The following SORL1 variants were observed in gnomAD, a reference collection of about 807,000 sequenced individuals.
The protein encoded by SORL1 is sortilin-related receptor.
SORL1 carries 127 observed loss-of-function variants against 273.7 expected under a neutral mutation model. The ratio of observed to expected loss-of-function variants is 0.46; its 90% CI spans 0.40 to 0.54. SORL1 has a LOEUF of 0.54. SORL1 is among the 20% of genes least tolerant of loss of function. The pLI, the probability that SORL1 is intolerant of heterozygous loss-of-function variation, is 0.00. For missense variants in SORL1, 2,494 were observed against 2,846.1 expected, an observed-to-expected ratio of 0.88 and a Z score of 2.81; for synonymous variants, 1,031 against 1,067.4, an observed-to-expected ratio of 0.97 and a Z score of 0.66.
chr11:121,517,063 AT>A (rs1247874798), intron 8 of SORL1, among the ~76,000 whole-genome samples: 1 of 152,128 alleles, frequency 6.6e-6, no homozygotes, highest in Non-Finnish European at 1.5e-5. Context: ...AAAAAAAAAA[AT>A]TATTTATTGA....
chr11:121,528,785 C>T (rs1019461507), intron 11 of SORL1, among the ~76,000 whole-genome samples: 6 of 152,284 alleles, frequency 3.9e-5, no homozygotes, highest in South Asian at 2.1e-4. Context: ...GAGATCCAGC[C>T]TGTGGTCTAT....
rs1184634841 is a variant in SORL1 at position 121,615,013 on chromosome 11, C to T, written c.5562C>T (p.Asn1854=). The stretch of plus-strand genomic sequence containing the variant: ...CTAGCCTCAAGGCCAAAGCCATCAA[C>T]CAGACTGCAGTGGAATGTACCTGGA... The part of the protein sequence containing the change: ...PAPSLKAKAI[N]QTAVECTWTG... Residue 1854 remains asparagine, a synonymous_variant, in exon 41 of 48, where the codon AAC becomes AAT. Coordinates refer to ENST00000260197, the MANE Select transcript of SORL1 (RefSeq NM_003105.6). 6.2e-7 allele frequency: 1 copy of T among 1,612,230 alleles called. No individual in the cohort carries two copies. The highest frequency in any genetic ancestry group is 8.5e-7 in the Non-Finnish European group (1 of 1,179,454).
At chr11:121,561,690 GA>G (rs34672730) in intron 21 of SORL1, among the ~76,000 whole-genome samples, 33 of 109,902 alleles carry the variant, frequency 3.0e-4, no homozygotes, top group East Asian at 8.0e-4. Context: ...CCCTGTCACC[GA>G]AAAAAAAAAA....
At chr11:121,624,859 G>A (rs1863770859) in intron 45 of SORL1, among the ~76,000 whole-genome samples, 1 of 152,114 alleles carries the variant, frequency 6.6e-6, no homozygotes, top group South Asian at 2.1e-4. Context: ...ATAGCTTGTT[G>A]TGGGGGGGTG....
At chr11:121,488,299 C>A in intron 4 of SORL1, 106 bp downstream of exon 4, 1 of 1,129,344 alleles carries the variant, frequency 8.9e-7, no homozygotes, top group Non-Finnish European at 1.3e-6. Context: ...CCTCTCCCTC[C>A]TTCTCTCTTG....
intron 10 of SORL1, 96 bp downstream of exon 10, chr11:121,522,799 G>A (rs1591310907): frequency 9.6e-6 from 13 of 1,357,090 alleles, no homozygotes; most frequent in African/African-American, 2.9e-5. Context: ...CAGTAACCAC[G>A]CTTTGTGGTT....
At chr11:121,508,885 A>G (rs1319651615) in intron 6 of SORL1, among the ~76,000 whole-genome samples, 1 of 152,176 alleles carries the variant, frequency 6.6e-6, no homozygotes, top group Non-Finnish European at 1.5e-5. Flanking sequence ...GTATATTTTT[A>G]GAGTTCCTAG....
At chr11:121,528,626 T>C (rs1017631151) in intron 11 of SORL1, among the ~76,000 whole-genome samples, 3 of 152,334 alleles carry the variant, frequency 2.0e-5, no homozygotes, top group Admixed American at 2.0e-4. Flanking sequence ...TATCTTCGAA[T>C]GATAAGTTAC....
rs58596501 is a variant in SORL1 at position 121,467,030 on chromosome 11, CTTTTTTTTTTT to C, written c.286-2970_286-2960del. On this transcript the variant is annotated intron_variant, in intron 1 of 47. Transcript: ENST00000260197. ...TGCCTTCTAGAGGTTTTCTTTTTTTCTTTTTTTTTTTTTTTTTGAGGTGGAGTCTCGCTCTG... is the reference window on the plus strand; with the variant it reads ...TGCCTTCTAGAGGTTTTCTTTTTTTCTTTTTTGAGGTGGAGTCTCGCTCTG... Among the ~76,000 whole-genome samples the C allele has an allele frequency of 3.2e-5, 4 of 125,306 alleles. No homozygotes were observed. In the East Asian group the frequency reaches 6.8e-4, roughly 21 times the overall value. The allele number at this position is 125,306 out of a possible 152,430, so 82.2% of individuals were successfully genotyped here.
chr11:121,577,541 G>A (rs1354912347), intron 25 of SORL1, 141 bp downstream of exon 25: 5 of 938,474 alleles, frequency 5.3e-6, no homozygotes, highest in African/African-American at 1.7e-5. Context: ...TTCTCAAAGA[G>A]CTGGTCTTTG....
At chr11:121,491,470 A>G (rs1591298255) in intron 5 of SORL1, among the ~76,000 whole-genome samples, 1 of 152,176 alleles carries the variant, frequency 6.6e-6, no homozygotes, top group Non-Finnish European at 1.5e-5. Context: ...TCTAACAGCT[A>G]TCCATTCACT....
rs1208579380 is a variant in SORL1 at position 121,611,092 on chromosome 11, T to C, written c.5256T>C (p.Asp1752=). 3 of 1,613,058 alleles carry C rather than the reference T, an allele frequency of 1.9e-6. No homozygotes were observed. Among genetic ancestry groups the C allele is most frequent in the African/African-American group, 1.3e-5 (1 of 74,900 alleles). The change falls in exon 39 of 48, where the codon GAT becomes GAC. Residue 1752 remains aspartate, a synonymous_variant. Coordinates refer to ENST00000260197, the MANE Select transcript of SORL1 (RefSeq NM_003105.6). ...TIKGKVIPPP[D]IHIDSYGENY... Reference sequence around the variant, plus strand: ...TGTTTTCAGTGATCCCACCACCAGATATCCACATTGACAGCTATGGTGAAA... The same window carrying C: ...TGTTTTCAGTGATCCCACCACCAGACATCCACATTGACAGCTATGGTGAAA...
intron 32 of SORL1, among the ~76,000 whole-genome samples, chr11:121,602,355 T>A (rs148366125): frequency 2.0e-4 from 30 of 152,338 alleles, no homozygotes; most frequent in African/African-American, 6.0e-4. Flanking sequence ...TGAACTGAAG[T>A]CTGTACCTCC....
chr11:121,622,446 G>A (rs1439704681), intron 45 of SORL1, among the ~76,000 whole-genome samples, 178 bp downstream of exon 45: 4 of 152,166 alleles, frequency 2.6e-5, no homozygotes, highest in Admixed American at 6.5e-5. Context: ...GCTAATTAGC[G>A]AAATGCTTAT....
intron 2 of SORL1, among the ~76,000 whole-genome samples, chr11:121,472,100 G>T (rs976487058): frequency 3.9e-5 from 6 of 152,066 alleles, no homozygotes; most frequent in Admixed American, 2.0e-4. Flanking sequence ...ACCTATCTTC[G>T]TGCTACTGTA....
chr11:121,465,829 G>C (rs1861074100), intron 1 of SORL1, among the ~76,000 whole-genome samples: 1 of 152,154 alleles, frequency 6.6e-6, no homozygotes, highest in African/African-American at 2.4e-5. Flanking sequence ...GCCCGGCTGG[G>C]TGTGTCTTTT....
chr11:121,572,724 G>T (rs1862861938), intron 23 of SORL1, among the ~76,000 whole-genome samples: 1 of 152,122 alleles, frequency 6.6e-6, no homozygotes, highest in Admixed American at 6.5e-5. Flanking sequence ...ACACCGGGAT[G>T]CAGGAGGGTG....
intron 25 of SORL1, among the ~76,000 whole-genome samples, chr11:121,578,656 A>G (rs1055957045): frequency 3.9e-5 from 6 of 152,338 alleles, no homozygotes; most frequent in Middle Eastern, 3.4e-3. Flanking sequence ...ATTTTATGCA[A>G]CTGCTTCCCT....
intron 11 of SORL1, among the ~76,000 whole-genome samples, chr11:121,526,260 C>T (rs1862122912): frequency 6.6e-6 from 1 of 151,910 alleles, no homozygotes; most frequent in Non-Finnish European, 1.5e-5. Context: ...ATCAATTGGC[C>T]ATATATGGGC....
Sources: allele counts gnomAD v4.1 joint callset (sites outside exome capture counted in the v4.1 genomes callset), GRCh38; gene constraint gnomAD v4.1.1; transcripts MANE v1.5; gene names NCBI Gene and HGNC (gene_info 2026-07-23, HGNC 2026-07-21).